GDF5: variants seen among roughly 807,000 people sequenced by gnomAD.
GDF5 encodes the protein growth differentiation factor 5.
GDF5 carries 17 observed loss-of-function variants against 34.6 expected under a neutral mutation model. That is an observed-to-expected ratio of 0.49 (90% confidence interval 0.34 to 0.74). The LOEUF (loss-of-function observed/expected upper bound fraction) is 0.74, where lower values mean the gene tolerates loss of function less well. GDF5 is among the 30% of genes least tolerant of loss of function. GDF5 has a pLI of 0.01. For missense variants in GDF5, 616 were observed against 661.2 expected (o/e 0.93, Z 0.75); for synonymous variants, 332 against 290.7 (o/e 1.14, Z -1.44).
rs1368565029 is a variant in GDF5, at chr20:35,434,198, T to C, written c.1217A>G (p.His406Arg). Residue 406 changes from histidine to arginine, a missense_variant, in exon 2 of 2, where the codon CAT becomes CGT. His to Arg is a conservative substitution (Grantham distance 29). Coordinates refer to ENST00000374369, the MANE Select transcript of GDF5 (RefSeq NM_000557.5). ...LKARCSRKAL[H>R]VNFKDMGWDD... ...CCAGCCCATGTCCTTGAAGTTGACA[T>C]GCAGTGCCTTCCGACTGCAGCGAGC... The C allele has an allele frequency of 6.2e-7, 1 of 1,614,200 alleles. No homozygotes were observed. Among genetic ancestry groups the C allele is most frequent in the South Asian group, 1.1e-5 (1 of 91,088 alleles).
At position 35,434,462 on chromosome 20, in the gene GDF5, C is replaced by G. The variant is rs201590447; in HGVS notation, c.953G>C (p.Arg318Pro). Residue 318 changes from arginine (R) to proline (P), a missense_variant, in exon 2 of 2, where the codon CGG becomes CCG. Transcript: ENST00000374369. ...QLCLELEAWE[R>P]GRAVDLRGLG... ...GCCACGGAGGTCCACGGCCCTGCCC[C>G]GTTCCCAGGCCTCCAGCTCCAGGCA... 4.0e-5 allele frequency: 64 copies of G among 1,612,602 alleles called. No homozygotes were observed. The East Asian group carries it at 1.3e-3, about 33-fold the overall frequency.
At chr20:35,444,251 A>G (rs224337) in intron 1 of GDF5, among the ~76,000 whole-genome samples, 149,356 of 152,306 alleles carry the variant, frequency 0.98, 73,298 homozygotes, top group Middle Eastern at 1. Flanking sequence ...GAACAAACAC[A>G]TAAGAGAATG....
Position 35,434,472 on chromosome 20 carries a change from C to T in GDF5, c.943G>A (p.Ala315Thr), listed in dbSNP as rs200926075. 25 of 1,612,240 alleles carry T rather than the reference C, an allele frequency of 1.6e-5. No individual in the cohort carries two copies. In the East Asian group the frequency reaches 5.6e-4, roughly 36 times the overall value. The change falls in exon 2 of 2, where the codon GCC becomes ACC. Residue 315 changes from alanine to threonine, a missense_variant. Ala to Thr is a moderately conservative substitution (Grantham distance 58). Transcript: ENST00000374369. ...TCCACGGCCCTGCCCCGTTCCCAGG[C>T]CTCCAGCTCCAGGCACAGCTGGGCC... is the stretch of plus-strand genomic sequence containing the variant. The part of the protein sequence containing the change: ...NSAQLCLELE[A>T]WERGRAVDLR...
upstream of GDF5, among the ~76,000 whole-genome samples, chr20:35,440,797 G>C (rs748705756): frequency 6.6e-6 from 1 of 152,082 alleles, no homozygotes; most frequent in African/African-American, 2.4e-5. Flanking sequence ...TCTCCCATTA[G>C]ATTATGACTA....
At chr20:35,438,920 G>A (rs1267806771), upstream of GDF5, among the ~76,000 whole-genome samples, 1 of 141,516 alleles carries the variant, frequency 7.1e-6, no homozygotes, top group African/African-American at 2.6e-5. Context: ...TGTATTGGGA[G>A]TAGGGACAGC....
intron 1 of GDF5, among the ~76,000 whole-genome samples, chr20:35,436,581 G>T (rs1430562253): frequency 2.6e-5 from 4 of 152,306 alleles, no homozygotes; most frequent in Admixed American, 6.5e-5. Flanking sequence ...AGACAGAGGG[G>T]AGCAGGTAGT....
At chr20:35,443,668 C>T (rs1336482280) in intron 1 of GDF5, among the ~76,000 whole-genome samples, 2 of 152,004 alleles carry the variant, frequency 1.3e-5, no homozygotes, top group Non-Finnish European at 2.9e-5. Flanking sequence ...TGCGCCACCA[C>T]CCCTGGCTAA....
intron 1 of GDF5, among the ~76,000 whole-genome samples, chr20:35,452,854 C>T (rs2062538723): frequency 6.6e-6 from 1 of 152,346 alleles, no homozygotes; most frequent in South Asian, 2.1e-4. Flanking sequence ...GTGTGTAAGA[C>T]TGTGCTAAAT....
upstream of GDF5, among the ~76,000 whole-genome samples, chr20:35,442,856 A>G (rs2062502479): frequency 6.6e-6 from 1 of 152,064 alleles, no homozygotes; most frequent in Admixed American, 6.6e-5. Flanking sequence ...CAATACTCTC[A>G]TTTTAAAGAT....
chr20:35,439,679 A>T (rs1166692942), upstream of GDF5, among the ~76,000 whole-genome samples: 1 of 152,126 alleles, frequency 6.6e-6, no homozygotes, highest in African/African-American at 2.4e-5. Context: ...ACACAGGGTC[A>T]GCGGGGAAAG....
chr20:35,453,977 C>G (rs1236974299), intron 1 of GDF5: 1 of 534,616 alleles, frequency 1.9e-6, no homozygotes, highest in Admixed American at 1.9e-5. Context: ...CAGAATCACC[C>G]TGGGTACTTT....
chr20:35,443,093 T>A (rs920838866), upstream of GDF5, among the ~76,000 whole-genome samples: 3 of 152,000 alleles, frequency 2.0e-5, no homozygotes, highest in Admixed American at 2.0e-4. Flanking sequence ...AACAGGGAAC[T>A]CCCAGAAATG....
At position 35,437,669 on chromosome 20, in the gene GDF5, G is replaced by A. The variant is rs2062479602; in HGVS notation, c.260C>T (p.Thr87Ile). The change falls in exon 1 of 2, where the codon ACA (threonine) becomes ATA (isoleucine). Residue 87 changes from threonine to isoleucine, a missense_variant. Thr to Ile is a moderately conservative substitution (Grantham distance 89). Coordinates refer to ENST00000374369, the MANE Select transcript of GDF5 (RefSeq NM_000557.5). ...KGGTGQTGGL[T>I]QPKKDEPKKL... ...TTTGGGTTCATCCTTCTTGGGCTGT[G>A]TCAGGCCTCCTGTCTGCCCGGTGCC... 6.2e-7 allele frequency: 1 copy of A among 1,614,114 alleles called. No homozygotes were observed. Among genetic ancestry groups the A allele is most frequent in the African/African-American group, 1.3e-5 (1 of 75,038 alleles).
At chr20:35,446,877 T>C (rs1376559985) in intron 1 of GDF5, among the ~76,000 whole-genome samples, 3 of 125,182 alleles carry the variant, frequency 2.4e-5, no homozygotes, top group Non-Finnish European at 3.3e-5. Flanking sequence ...TCTGTGCTCC[T>C]TCTAATCTGT....
rs778320296 is a variant in GDF5, at chr20:35,433,814, G to C, written c.*95C>G. On this transcript the variant is annotated 3_prime_UTR_variant, in exon 2 of 2. Coordinates refer to ENST00000374369, the MANE Select transcript of GDF5 (RefSeq NM_000557.5). ...CCCCTTTCACCCAAGCTGTGTAGAT[G>C]CTCCTGCCACAGCTTCCTGACCCCT... The C allele has an allele frequency of 9.8e-7, 1 of 1,023,430 alleles. No individual in the cohort carries two copies. Among genetic ancestry groups the C allele is most frequent in the South Asian group, 1.3e-5 (1 of 76,910 alleles). The allele number at this position is 1,023,430 out of a possible 1,614,324, so 63.4% of individuals were successfully genotyped here.
At chr20:35,445,468 A>C (rs376797744) in intron 1 of GDF5, among the ~76,000 whole-genome samples, 17 of 152,076 alleles carry the variant, frequency 1.1e-4, no homozygotes, top group African/African-American at 3.9e-4. Flanking sequence ...GTTCGAGACC[A>C]GCCTGGCCAA....
chr20:35,438,000 A>G lies in GDF5; in HGVS notation c.-72T>C. 1 of 1,573,556 alleles carries G rather than the reference A, an allele frequency of 6.4e-7. No individual in the cohort carries two copies. The highest frequency in any genetic ancestry group is 8.7e-7 in the Non-Finnish European group (1 of 1,151,664). ...CGAAGGTGCCTCTGGTTTGGCAGGA[A>G]AAACCATGAAAGGAGTGGACTTTCA... On this transcript the variant is annotated 5_prime_UTR_variant, in exon 1 of 2. Coordinates refer to ENST00000374369, the MANE Select transcript of GDF5 (RefSeq NM_000557.5).
Position 35,437,893 on chromosome 20 carries a change from C to G in GDF5, c.36G>C (p.Trp12Cys). 6.2e-7 allele frequency: 1 copy of G among 1,614,100 alleles called. No individual in the cohort carries two copies. Among genetic ancestry groups the G allele is most frequent in the Non-Finnish European group, 8.5e-7 (1 of 1,179,994 alleles). The change falls in exon 1 of 2, where the codon TGG (tryptophan) becomes TGC (cysteine). Residue 12 changes from tryptophan to cysteine, a missense_variant. Transcript: ENST00000374369. ...RLPKLLTFLL[W>C]YLAWLDLEFI... ...ATTCCAGGTCCAGCCAAGCCAGGTA[C>G]CAAAGCAAGAAAGTGAGGAGTTTGG...
chr20:35,434,959 A>G (rs2062464973), intron 1 of GDF5, 176 bp from the exon 2 acceptor site: 4 of 741,584 alleles, frequency 5.4e-6, no homozygotes. Context: ...AAATGAGAGC[A>G]TTTCCTACAT....
Sources: gnomAD v4.1 joint callset for allele counts (sites outside exome capture counted in the v4.1 genomes callset) on GRCh38, gnomAD v4.1.1 for gene constraint, MANE v1.5 for transcripts, NCBI Gene and HGNC (gene_info 2026-07-23, HGNC 2026-07-21) for gene names.